Variants in NCALD observed in about 807,000 individuals in gnomAD.
The protein encoded by NCALD is neurocalcin delta, also known as neurocalcin-delta.
In NCALD, 10 loss-of-function variants were observed where a neutral mutation model predicts 18.6. The observed-to-expected ratio is 0.54, with a 90% CI of 0.33 to 0.91. The LOEUF (loss-of-function observed/expected upper bound fraction) is 0.91, where lower values mean the gene tolerates loss of function less well. NCALD is among the 40% of genes least tolerant of loss of function. NCALD has a pLI of 0.03. For missense variants in NCALD, 184 were observed against 247.6 expected (o/e 0.74, Z 1.72); for synonymous variants, 88 against 87.4 (o/e 1.01, Z -0.04).
rs142881122 is a variant in NCALD, at chr8:102,085,087, T to A, written c.-210+39150A>T. 8.4e-4 allele frequency among the ~76,000 whole-genome samples: 128 copies of A among 152,242 alleles called. 1 individual carries two copies. Among genetic ancestry groups the A allele is most frequent in the African/African-American group, 3.0e-3 (123 of 41,558 alleles). On this transcript the variant is annotated intron_variant, in intron 1 of 6. Transcript: ENST00000311028. ...TGCAGGGTCTGTACATGCACACGCC[T>A]GGTTGGATGGAAGGCAGAAAGTCTC...
chr8:101,694,588 A>G (rs959351968), intron 2 of NCALD, among the ~76,000 whole-genome samples: 1 of 152,128 alleles, frequency 6.6e-6, no homozygotes, highest in Non-Finnish European at 1.5e-5. Context: ...TCTGGGAGGT[A>G]AAGCGCAGAG....
intron 4 of NCALD, among the ~76,000 whole-genome samples, chr8:101,831,632 T>C (rs1814190423): frequency 6.6e-6 from 1 of 152,140 alleles, no homozygotes; most frequent in Admixed American, 6.5e-5. Context: ...CCTCTTAACC[T>C]TTCCCATGTA....
intron 3 of NCALD, among the ~76,000 whole-genome samples, chr8:101,893,952 C>G (rs1299912113): frequency 6.8e-6 from 1 of 146,830 alleles, no homozygotes; most frequent in Non-Finnish European, 1.5e-5. Flanking sequence ...TTAGACAGAT[C>G]AATGAGACAG....
intron 1 of NCALD, among the ~76,000 whole-genome samples, chr8:101,748,270 GT>G (rs1161298124): frequency 6.6e-6 from 1 of 152,152 alleles, no homozygotes; most frequent in African/African-American, 2.4e-5. Flanking sequence ...AAGCATTTAC[GT>G]TTAGCAGATT....
intron 1 of NCALD, among the ~76,000 whole-genome samples, chr8:102,101,317 CCT>C (rs1449658430): frequency 3.3e-5 from 5 of 152,312 alleles, no homozygotes; most frequent in South Asian, 2.1e-4. Context: ...TATAAAATAT[CCT>C]CTTTTTTTTA....
At chr8:101,866,871 A>C (rs1815792557) in intron 4 of NCALD, among the ~76,000 whole-genome samples, 1 of 152,160 alleles carries the variant, frequency 6.6e-6, no homozygotes, top group African/African-American at 2.4e-5. Flanking sequence ...GGTCTGACTT[A>C]AAGAAGTCAG....
chr8:101,746,379 G>C (rs1389879702), intron 1 of NCALD, among the ~76,000 whole-genome samples: 1 of 152,130 alleles, frequency 6.6e-6, no homozygotes, highest in Admixed American at 6.5e-5. Flanking sequence ...GGTACTGCAT[G>C]TACAAGTGTT....
intron 1 of NCALD, among the ~76,000 whole-genome samples, chr8:102,116,637 G>C (rs1281706902): frequency 6.6e-6 from 1 of 152,048 alleles, no homozygotes; most frequent in African/African-American, 2.4e-5. Flanking sequence ...TGCATGCCAA[G>C]AGGCCTAATT....
chr8:101,786,850 T>C (rs1168809733), intron 1 of NCALD, among the ~76,000 whole-genome samples: 1 of 152,098 alleles, frequency 6.6e-6, no homozygotes, highest in Non-Finnish European at 1.5e-5. Context: ...CCTGAGAATA[T>C]TCTGGTTTAC....
intron 4 of NCALD, among the ~76,000 whole-genome samples, chr8:101,819,313 G>A (rs1412138675): frequency 1.4e-5 from 2 of 145,854 alleles, no homozygotes; most frequent in Non-Finnish European, 3.0e-5. Flanking sequence ...ATTGTTCTTA[G>A]TTTAATAAAT....
chr8:101,738,552 CAAAAAAAAA>C (rs34205453), intron 1 of NCALD, among the ~76,000 whole-genome samples: 4 of 127,916 alleles, frequency 3.1e-5, no homozygotes, highest in African/African-American at 1.2e-4. Context: ...CTCAAAAAAA[CAAAAAAAAA>C]AAAAAAAAAA....
chr8:101,967,106 A>G (rs1422820156), intron 2 of NCALD, among the ~76,000 whole-genome samples: 2 of 152,180 alleles, frequency 1.3e-5, no homozygotes, highest in Non-Finnish European at 2.9e-5. Flanking sequence ...ACAGCTGCCA[A>G]AAATTTTTGG....
intron 1 of NCALD, among the ~76,000 whole-genome samples, chr8:102,028,716 G>C (rs1371827775): frequency 6.6e-6 from 1 of 152,178 alleles, no homozygotes; most frequent in Non-Finnish European, 1.5e-5. Context: ...GAATTACACT[G>C]CTCCTTGTGC....
chr8:101,940,775 T>C (rs1818926807), intron 2 of NCALD, among the ~76,000 whole-genome samples: 2 of 151,620 alleles, frequency 1.3e-5, no homozygotes, highest in South Asian at 4.2e-4. Context: ...AGCCAATGAA[T>C]GAAAAAAACA....
chr8:101,697,422 G>C (rs758563021), intron 2 of NCALD, among the ~76,000 whole-genome samples: 1 of 152,150 alleles, frequency 6.6e-6, no homozygotes, highest in Non-Finnish European at 1.5e-5. Context: ...TGAAAAGGAA[G>C]GACTCCTCCC....
chr8:101,751,968 T>G (rs1053791573), intron 1 of NCALD, among the ~76,000 whole-genome samples: 1 of 152,204 alleles, frequency 6.6e-6, no homozygotes, highest in African/African-American at 2.4e-5. Context: ...AAAAAGATTA[T>G]TTCCCCCAAA....
At chr8:101,737,344 C>T (rs754807196) in intron 1 of NCALD, among the ~76,000 whole-genome samples, 8 of 152,196 alleles carry the variant, frequency 5.3e-5, no homozygotes, top group Non-Finnish European at 1.0e-4. Flanking sequence ...TTAATCCAAG[C>T]CTTCACTGTC....
chr8:101,954,358 T>C (rs1369137653), intron 2 of NCALD, among the ~76,000 whole-genome samples: 1 of 152,070 alleles, frequency 6.6e-6, no homozygotes. Flanking sequence ...AAAGCAGAAA[T>C]ATTCCCAGCC....
intron 2 of NCALD, among the ~76,000 whole-genome samples, chr8:101,950,044 A>G (rs1367192632): frequency 6.6e-6 from 1 of 152,224 alleles, no homozygotes; most frequent in African/African-American, 2.4e-5. Flanking sequence ...GCGGCTGATC[A>G]TTTAGACGTC....
Sources: gnomAD v4.1 joint callset for allele counts (sites outside exome capture counted in the v4.1 genomes callset) on GRCh38, gnomAD v4.1.1 for gene constraint, MANE v1.5 for transcripts, NCBI Gene and HGNC (gene_info 2026-07-23, HGNC 2026-07-21) for gene names.